The following DGKB variants were observed in gnomAD, a reference collection of about 807,000 sequenced individuals.
DGKB encodes 90 kDa diacylglycerol kinase.
DGKB carries 67 observed loss-of-function variants against 114.3 expected under a neutral mutation model. The ratio of observed to expected loss-of-function variants is 0.59; its 90% CI spans 0.48 to 0.72. The LOEUF is 0.72. Among genes scored for constraint, DGKB ranks in the 30% least tolerant of loss-of-function variants. The probability of loss-of-function intolerance (pLI) is 0.00; values close to 1 mark genes in which losing one functional copy is unlikely to be tolerated. For synonymous variants in DGKB, 398 were observed against 323.1 expected (o/e 1.23, Z -2.49); for missense variants, 907 against 975.2 (o/e 0.93, Z 0.93).
At chr7:14,319,769 T>C (rs1328768683) in intron 23 of DGKB, among the ~76,000 whole-genome samples, 1 of 152,220 alleles carries the variant, frequency 6.6e-6, no homozygotes, top group Non-Finnish European at 1.5e-5. Flanking sequence ...CAGTGGTCTA[T>C]AGTATGTCAG....
At chr7:14,288,445 A>G (rs1295209443) in intron 23 of DGKB, among the ~76,000 whole-genome samples, 2 of 152,074 alleles carry the variant, frequency 1.3e-5, no homozygotes, top group Non-Finnish European at 2.9e-5. Flanking sequence ...TCACTCAGGT[A>G]TTGATTGCAA....
chr7:14,451,332 T>C (rs1391107916), intron 21 of DGKB, among the ~76,000 whole-genome samples: 3 of 152,040 alleles, frequency 2.0e-5, no homozygotes, highest in African/African-American at 4.8e-5. Context: ...TTTTTCTCTC[T>C]GACTGATACA....
intron 21 of DGKB, among the ~76,000 whole-genome samples, chr7:14,418,387 A>ACACACATGTG (rs1563143186): frequency 6.9e-6 from 1 of 145,926 alleles, no homozygotes; most frequent in African/African-American, 2.5e-5. Flanking sequence ...ATATATATAT[A>ACACACATGTG]TATATACACA....
intron 1 of DGKB, among the ~76,000 whole-genome samples, chr7:14,870,579 C>A (rs1056041770): frequency 3.9e-5 from 6 of 152,182 alleles, no homozygotes; most frequent in South Asian, 4.2e-4. Flanking sequence ...GGGCAGATCG[C>A]GACATCAGGC....
intron 23 of DGKB, chr7:14,268,871 T>C (rs1797889292): frequency 6.6e-6 from 1 of 152,222 alleles, no homozygotes; most frequent in Admixed American, 6.5e-5. Flanking sequence ...AGCAGTGTAT[T>C]GGTTATCTAT....
In DGKB at chr7:14,215,591, A is replaced by G. The variant is rs566064373; in HGVS notation, c.2123-37440T>C. Reference sequence around the variant, plus strand: ...CACGTTTTATCTCATTCAATCTTCAATTACTCTCATAAGGTGGCTACTGGT... The same window carrying G: ...CACGTTTTATCTCATTCAATCTTCAGTTACTCTCATAAGGTGGCTACTGGT... On this transcript the variant is annotated intron_variant, in intron 23 of 25. Coordinates refer to ENST00000402815, the MANE Select transcript of DGKB (RefSeq NM_001350709.2). Among the ~76,000 whole-genome samples, 33 of 152,272 alleles carry G rather than the reference A, an allele frequency of 2.2e-4. 1 individual carries two copies. The South Asian group carries it at 5.8e-3, about 27-fold the overall frequency.
intron 21 of DGKB, among the ~76,000 whole-genome samples, chr7:14,384,485 T>A (rs190949930): frequency 4.2e-4 from 64 of 152,104 alleles, no homozygotes; most frequent in African/African-American, 1.3e-3. Context: ...GTTTACTATC[T>A]GGATTCATAC....
In DGKB at chr7:14,704,893, G is replaced by A. The variant is rs576033145; in HGVS notation, c.467-3163C>T. Among the ~76,000 whole-genome samples, 386 of 151,878 alleles carry A rather than the reference G, an allele frequency of 2.5e-3. 2 individuals are homozygous for A. The highest frequency in any genetic ancestry group is 0.019 in the Admixed American group (293 of 15,238). On this transcript the variant is annotated intron_variant, in intron 6 of 25. Coordinates refer to ENST00000402815, the MANE Select transcript of DGKB (RefSeq NM_001350709.2). ...AAAAAACAGAACAGAAAAACTGGAA[G>A]CTCTAAAAATCAGAGCGCCTCTCCT...
At chr7:14,314,410 G>A (rs1047468632) in intron 23 of DGKB, among the ~76,000 whole-genome samples, 1 of 150,634 alleles carries the variant, frequency 6.6e-6, no homozygotes, top group African/African-American at 2.4e-5. Context: ...TGTATAACTA[G>A]AATAACCAAT....
chr7:14,648,050 C>T (rs936259803), intron 13 of DGKB, among the ~76,000 whole-genome samples: 105 of 152,294 alleles, frequency 6.9e-4, no homozygotes, highest in African/African-American at 2.2e-3. Flanking sequence ...AACTGCAAGG[C>T]GGCAGCGAGG....
intron 20 of DGKB, among the ~76,000 whole-genome samples, chr7:14,561,050 T>C (rs944745429): frequency 6.6e-6 from 1 of 152,210 alleles, no homozygotes; most frequent in African/African-American, 2.4e-5. Context: ...TGATACGGTA[T>C]GGCTGTGTCC....
intron 21 of DGKB, among the ~76,000 whole-genome samples, chr7:14,352,113 C>T (rs1205582640): frequency 6.6e-6 from 1 of 152,064 alleles, no homozygotes; most frequent in Non-Finnish European, 1.5e-5. Context: ...TGTTAAGTCC[C>T]AGGGAGACAA....
intron 2 of DGKB, among the ~76,000 whole-genome samples, chr7:14,785,247 A>C (rs1482050720): frequency 1.3e-5 from 2 of 152,192 alleles, no homozygotes; most frequent in Non-Finnish European, 2.9e-5. Flanking sequence ...ACAAATAGGC[A>C]TTTTAAAATT....
At chr7:14,970,796 G>C (rs542977867) in intron 1 of DGKB, among the ~76,000 whole-genome samples, 1 of 152,166 alleles carries the variant, frequency 6.6e-6, no homozygotes, top group South Asian at 2.1e-4. Context: ...AGTATTCTTT[G>C]AATCTCTCTT....
At chr7:14,334,500 T>C (rs368387802) in intron 23 of DGKB, among the ~76,000 whole-genome samples, 2 of 151,958 alleles carry the variant, frequency 1.3e-5, no homozygotes, top group East Asian at 3.9e-4. Context: ...TTTTGTCTGG[T>C]AACACAAGTT....
rs145057124 is a variant in DGKB, at chr7:14,806,554, T to C, written c.70+34640A>G. ...AATGTGAATAGCATCGATATTGTTT[T>C]AGATTTTAACGTGAAAATATTTAAA... On this transcript the variant is annotated intron_variant, in intron 2 of 25. Coordinates refer to ENST00000402815, the MANE Select transcript of DGKB (RefSeq NM_001350709.2). Among the ~76,000 whole-genome samples, 358 of 152,170 alleles carry C rather than the reference T, an allele frequency of 2.4e-3. 1 individual carries two copies. The highest frequency in any genetic ancestry group is 8.2e-3 in the African/African-American group (339 of 41,576).
At chr7:14,419,496 TG>T (rs1417054536) in intron 21 of DGKB, among the ~76,000 whole-genome samples, 1 of 151,970 alleles carries the variant, frequency 6.6e-6, no homozygotes, top group Non-Finnish European at 1.5e-5. Flanking sequence ...ATTATCTATT[TG>T]TTTATATTTG....
At chr7:14,248,109 G>C (rs13239887) in intron 23 of DGKB, among the ~76,000 whole-genome samples, 27,643 of 151,942 alleles carry the variant, frequency 0.18, 2,505 homozygotes, top group Middle Eastern at 0.22. Flanking sequence ...AGGAGACTAT[G>C]ATTTCCTGAT....
chr7:14,552,738 T>C (rs973433332), intron 20 of DGKB, among the ~76,000 whole-genome samples: 1 of 152,232 alleles, frequency 6.6e-6, no homozygotes, highest in Non-Finnish European at 1.5e-5. Flanking sequence ...TTCTCTCCAC[T>C]AGGAAAAATT....
Sources: gnomAD v4.1 joint callset for allele counts (sites outside exome capture counted in the v4.1 genomes callset) on GRCh38, gnomAD v4.1.1 for gene constraint, MANE v1.5 for transcripts, NCBI Gene and HGNC (gene_info 2026-07-23, HGNC 2026-07-21) for gene names.